Variants in SLX4 observed in about 807,000 individuals in gnomAD.
The protein encoded by SLX4 is structure-specific endonuclease subunit SLX4.
Under a neutral mutation model 146.2 loss-of-function variants are expected in SLX4, and 112 were observed. That is an observed-to-expected ratio of 0.77 (90% CI 0.66 to 0.90). The LOEUF (loss-of-function observed/expected upper bound fraction) is 0.90, where lower values mean the gene tolerates loss of function less well. Ranked by LOEUF, SLX4 falls within the 40% of genes least tolerant of loss-of-function variation. The probability of loss-of-function intolerance (pLI) is 0.00; values close to 1 mark genes in which losing one functional copy is unlikely to be tolerated. For synonymous variants in SLX4, 1,061 were observed against 997.7 expected (o/e 1.06, Z -1.20); for missense variants, 2,563 against 2,392.7 (o/e 1.07, Z -1.49).
chr16:3,589,187 G>T lies in SLX4; in HGVS notation c.4451C>A (p.Thr1484Asn). Residue 1484 changes from threonine to asparagine, a missense_variant, in exon 12 of 15, where the codon ACC becomes AAC. Physicochemically the swap from Thr to Asn is moderately conservative, Grantham distance 65. Coordinates refer to ENST00000294008, the MANE Select transcript of SLX4 (RefSeq NM_032444.4). This position sits in a 1 kb window ranked among gnomAD's most constrained non-coding sequence, Gnocchi z 6.2. ...GGACTTCTCTTGCAATTTCCTCTGGGTAGTGCAGCTTCCTCGGATGGGGGT... is the reference window on the plus strand; with the variant it reads ...GGACTTCTCTTGCAATTTCCTCTGGTTAGTGCAGCTTCCTCGGATGGGGGT... The part of the protein sequence containing the change: ...DTTPIRGSCT[T>N]QRKLQEKSSG... 6.2e-7 allele frequency: 1 copy of T among 1,614,196 alleles called. No individual in the cohort carries two copies. Among genetic ancestry groups the T allele is most frequent in the Non-Finnish European group, 8.5e-7 (1 of 1,180,030 alleles).
At chr16:3,586,169 A>T (rs1596517774) in intron 12 of SLX4, among the ~76,000 whole-genome samples, 1 of 152,330 alleles carries the variant, frequency 6.6e-6, no homozygotes, top group Admixed American at 6.5e-5. Flanking sequence ...GAAGGAAAAC[A>T]TGTCTACACG....
intron 5 of SLX4, among the ~76,000 whole-genome samples, chr16:3,599,029 G>A (rs936502050): frequency 3.9e-5 from 6 of 152,164 alleles, no homozygotes; most frequent in African/African-American, 1.2e-4. Flanking sequence ...CCTTCTAAAC[G>A]GATCCACATA....
In SLX4 at chr16:3,590,537, C is replaced by T. The variant is rs150453226; in HGVS notation, c.3101G>A (p.Arg1034His). 139 of 1,612,694 alleles carry T rather than the reference C, an allele frequency of 8.6e-5. No individual in the cohort carries two copies. The highest frequency in any genetic ancestry group is 1.6e-4 in the East Asian group (7 of 44,866). The change falls in exon 12 of 15, where the codon CGC becomes CAC. Residue 1034 changes from arginine to histidine, a missense_variant. Coordinates refer to ENST00000294008, the MANE Select transcript of SLX4 (RefSeq NM_032444.4). The surrounding 1 kb of genome is among the most constrained non-coding windows in gnomAD (Gnocchi z 4.8). Reference sequence around the variant, plus strand: ...GCCCTGGGGAGGCCCCAATAGGAAGCGGCACGGGTGCGGTGGAGATGCCTG... The same window carrying T: ...GCCCTGGGGAGGCCCCAATAGGAAGTGGCACGGGTGCGGTGGAGATGCCTG... ...PWQASPPHPC[R>H]FLLGPPQGGS...
Position 3,609,078 on chromosome 16 carries a change from G to A in SLX4, c.-114C>T. The A allele has an allele frequency of 7.6e-7, 1 of 1,307,434 alleles. No homozygotes were observed. Among genetic ancestry groups the A allele is most frequent in the Non-Finnish European group, 1.1e-6 (1 of 943,370 alleles). The allele number at this position is 1,307,434 out of a possible 1,614,324, so 81.0% of individuals were successfully genotyped here. ...GTATCTTTGTTCAAATTGGGCCTGT[G>A]GTTAAACATGTTTAAAGCTTCCCTC... On this transcript the variant is annotated 5_prime_UTR_variant, in exon 2 of 15. Coordinates refer to ENST00000294008, the MANE Select transcript of SLX4 (RefSeq NM_032444.4).
chr16:3,591,984 G>A (rs1045226827), intron 11 of SLX4, among the ~76,000 whole-genome samples: 2 of 152,148 alleles, frequency 1.3e-5, no homozygotes, highest in South Asian at 2.1e-4. Context: ...GCGACACTCC[G>A]TCTCTCCAAA....
At chr16:3,602,969 C>T (rs992404492) in intron 3 of SLX4, among the ~76,000 whole-genome samples, 2 of 152,166 alleles carry the variant, frequency 1.3e-5, no homozygotes, top group African/African-American at 4.8e-5. Context: ...CTCATAAATC[C>T]CCAAGTTCTT....
intron 3 of SLX4, among the ~76,000 whole-genome samples, chr16:3,604,998 T>C (rs1327401127): frequency 6.6e-6 from 1 of 150,674 alleles, no homozygotes; most frequent in Non-Finnish European, 1.5e-5. Context: ...CACAGCTCAC[T>C]GCAGCTCAAC....
At chr16:3,604,201 T>C (rs1041294634) in intron 3 of SLX4, among the ~76,000 whole-genome samples, 1 of 143,668 alleles carries the variant, frequency 7.0e-6, no homozygotes, top group African/African-American at 2.6e-5. Flanking sequence ...CACTGCACTC[T>C]AGCCAAGCCT....
At position 3,609,139 on chromosome 16, in the gene SLX4, C is replaced by T. The variant is rs1414160841; in HGVS notation, c.-175G>A. ...CACAACTGGGCCGGGCGCGGTGGCT[C>T]ACACTTGTAATCCCAGCTCTTTTGG... On this transcript the variant is annotated 5_prime_UTR_variant, in exon 2 of 15. Transcript: ENST00000294008. The T allele has an allele frequency of 4.2e-6, 3 of 711,398 alleles. No homozygotes were observed. Among genetic ancestry groups the T allele is most frequent in the Non-Finnish European group, 6.9e-6 (3 of 435,244 alleles). 44.1% of individuals were successfully genotyped at this position (711,398 alleles called of 1,614,324 possible).
intron 14 of SLX4, 67 bp from the exon 15 acceptor site, chr16:3,582,760 T>C: frequency 7.0e-7 from 1 of 1,430,166 alleles, no homozygotes; most frequent in Non-Finnish European, 9.6e-7. Flanking sequence ...CATGAGCCTC[T>C]TTAAAGGAAG....
In SLX4 at chr16:3,597,247, T is replaced by C. The variant is rs1233444330; in HGVS notation, c.1683+132A>G. ...GAAAGCTGCAGCCACCAAGTGCCCC[T>C]CTGGCCTCCTCCCGCCTCTGCCTTT... is the stretch of plus-strand genomic sequence containing the variant. On this transcript the variant is annotated intron_variant, in intron 7 of 14. Transcript: ENST00000294008. This position sits in a 1 kb window ranked among gnomAD's most constrained non-coding sequence, Gnocchi z 4.4. The C allele has an allele frequency of 8.6e-6, 9 of 1,045,014 alleles. No homozygotes were observed. In the Admixed American group the frequency reaches 2.6e-4, roughly 30 times the overall value. The allele number at this position is 1,045,014 out of a possible 1,614,324, so 64.7% of individuals were successfully genotyped here.
intron 5 of SLX4, 116 bp from the exon 6 acceptor site, chr16:3,598,115 G>T: frequency 8.2e-7 from 1 of 1,219,664 alleles, no homozygotes; most frequent in Non-Finnish European, 1.2e-6. Flanking sequence ...ATGTGGACCT[G>T]CCAGGCAGAT....
chr16:3,597,251 G>T lies in SLX4; in HGVS notation c.1683+128C>A. 2.8e-6 allele frequency: 3 copies of T among 1,079,916 alleles called. No individual in the cohort carries two copies. Among genetic ancestry groups the T allele is most frequent in the South Asian group, 1.7e-5 (1 of 59,706 alleles). The allele number at this position is 1,079,916 out of a possible 1,614,324, so 66.9% of individuals were successfully genotyped here. ...GCTGCAGCCACCAAGTGCCCCTCTG[G>T]CCTCCTCCCGCCTCTGCCTTTCCTT... On this transcript the variant is annotated intron_variant, in intron 7 of 14. Transcript: ENST00000294008. This position sits in a 1 kb window ranked among gnomAD's most constrained non-coding sequence, Gnocchi z 4.4.
At chr16:3,587,426 G>A (rs1385011096) in intron 12 of SLX4, among the ~76,000 whole-genome samples, 2 of 152,160 alleles carry the variant, frequency 1.3e-5, no homozygotes, top group African/African-American at 2.4e-5. Context: ...AACCCGAGAG[G>A]TGGAGGTTGC....
intron 12 of SLX4, among the ~76,000 whole-genome samples, chr16:3,586,454 G>A (rs1246223702): frequency 1.3e-5 from 2 of 152,120 alleles, no homozygotes; most frequent in East Asian, 3.9e-4. Flanking sequence ...CTGGGAGGTC[G>A]AGGCTACAAT....
In SLX4 at chr16:3,596,275, G is replaced by T; in HGVS notation, c.1802C>A (p.Ser601Ter). 1 of 1,566,096 alleles carries T rather than the reference G, an allele frequency of 6.4e-7. No individual in the cohort carries two copies. The highest frequency in any genetic ancestry group is 1.9e-5 in the Admixed American group (1 of 53,232). The change falls in exon 8 of 15, where the codon TCG (serine) becomes TAG (stop). Residue 601 changes from serine (S) to a stop codon, truncating the protein, a stop_gained. Coordinates refer to ENST00000294008, the MANE Select transcript of SLX4 (RefSeq NM_032444.4). LOFTEE classifies it high-confidence loss of function. ...PTAGCGSRGP[S>*]PSASQREHQA... ...GTGCTCCCTCTGGCTGGCCGAAGGC[G>T]ACGGGCCCCTGGAGCCACAGCCTGC...
rs981311587 is a variant in SLX4 at position 3,582,590 on chromosome 16, C to G, written c.5257G>C (p.Asp1753His). ...CGGATGTAGCACCTCAGCGCCTCGT[C>G]TGTGTCCGCCGCCTGCACGGCTGCC... is the stretch of plus-strand genomic sequence containing the variant. ...SQAAVQAADTDEALRCYIRSK... is the reference protein window; with the variant it reads ...SQAAVQAADTHEALRCYIRSK... The change falls in exon 15 of 15, where the codon GAC becomes CAC. Residue 1753 changes from aspartate (D) to histidine (H), a missense_variant. Coordinates refer to ENST00000294008, the MANE Select transcript of SLX4 (RefSeq NM_032444.4). 2 of 1,613,692 alleles carry G rather than the reference C, an allele frequency of 1.2e-6. No individual in the cohort carries two copies. The highest frequency in any genetic ancestry group is 1.6e-4 in the Middle Eastern group (1 of 6,062).
intron 3 of SLX4, 130 bp downstream of exon 3, chr16:3,606,344 A>G: frequency 9.9e-7 from 1 of 1,005,768 alleles, no homozygotes; most frequent in Non-Finnish European, 1.6e-6. Flanking sequence ...GTGAAGTGGC[A>G]AAGGTAAAAC....
At chr16:3,600,538 G>GTTTCA (rs553596146) in intron 5 of SLX4, 31 of 181,834 alleles carry the variant, frequency 1.7e-4, no homozygotes, top group Admixed American at 2.8e-4. Context: ...CGCCCTAAGT[G>GTTTCA]TTTCATTTCC....
Sources: gnomAD v4.1 joint callset for allele counts (sites outside exome capture counted in the v4.1 genomes callset) on GRCh38, gnomAD v4.1.1 for gene constraint, Gnocchi (gnomAD v3.1) non-coding constraint, MANE v1.5 for transcripts, NCBI Gene and HGNC (gene_info 2026-07-23, HGNC 2026-07-21) for gene names.